The following BRINP3 variants were observed in gnomAD, a reference collection of about 807,000 sequenced individuals.
BRINP3 encodes BMP/retinoic acid inducible neural specific 3.
In BRINP3, 19 loss-of-function variants were observed where a neutral mutation model predicts 71.0. The ratio of observed to expected loss-of-function variants is 0.27; its 90% CI spans 0.19 to 0.39. The LOEUF is 0.39. BRINP3 is among the 10% of genes least tolerant of loss of function. The pLI is 1.00. For synonymous variants in BRINP3, 380 were observed against 337.7 expected (o/e 1.13, Z -1.37); for missense variants, 959 against 940.8 (o/e 1.02, Z -0.25).
chr1:190,130,795 AT>A (rs1159890661), intron 7 of BRINP3, among the ~76,000 whole-genome samples: 3 of 151,938 alleles, frequency 2.0e-5, no homozygotes, highest in Non-Finnish European at 4.4e-5. Flanking sequence ...TTGGGCCCTT[AT>A]AAAACAGGCG....
intron 2 of BRINP3, among the ~76,000 whole-genome samples, chr1:190,371,041 TATTGA>T (rs1202880660): frequency 1.3e-5 from 2 of 152,184 alleles, no homozygotes; most frequent in Non-Finnish European, 2.9e-5. Flanking sequence ...GTTCAATTGC[TATTGA>T]ATTGAATTCC....
chr1:190,263,674 C>A (rs1332515313), intron 4 of BRINP3, among the ~76,000 whole-genome samples: 3 of 145,306 alleles, frequency 2.1e-5, no homozygotes, highest in Non-Finnish European at 4.5e-5. Context: ...ACTGCAAGTT[C>A]TGCCTCCCAG....
intron 2 of BRINP3, among the ~76,000 whole-genome samples, chr1:190,335,430 T>TA (rs369142436): frequency 6.6e-6 from 1 of 151,866 alleles, no homozygotes. Flanking sequence ...AATACTATAC[T>TA]AAAAAATGAT....
chr1:190,137,477 T>C (rs10753937), intron 7 of BRINP3, among the ~76,000 whole-genome samples: 58,111 of 150,526 alleles, frequency 0.39, 11,912 homozygotes, highest in Non-Finnish European at 0.47. Context: ...CTTCGCATTA[T>C]AGACAAGAGG....
intron 1 of BRINP3, among the ~76,000 whole-genome samples, chr1:190,456,475 G>A (rs1162528092): frequency 3.3e-5 from 5 of 152,150 alleles, no homozygotes; most frequent in African/African-American, 1.2e-4. Context: ...TGGAATAGGA[G>A]CTTGGAGATT....
At chr1:190,385,410 A>C (rs1452547013) in intron 2 of BRINP3, among the ~76,000 whole-genome samples, 2 of 152,066 alleles carry the variant, frequency 1.3e-5, no homozygotes, top group Non-Finnish European at 2.9e-5. Context: ...CCCATCAAAA[A>C]GTGGGCAAAG....
intron 2 of BRINP3, among the ~76,000 whole-genome samples, chr1:190,371,144 C>T (rs1200835862): frequency 6.6e-6 from 1 of 152,138 alleles, no homozygotes; most frequent in Non-Finnish European, 1.5e-5. Flanking sequence ...CACTCTGTTT[C>T]TTCTTTCCTT....
At chr1:190,121,314 T>C (rs1217168775) in intron 7 of BRINP3, among the ~76,000 whole-genome samples, 1 of 151,908 alleles carries the variant, frequency 6.6e-6, no homozygotes, top group Non-Finnish European at 1.5e-5. Context: ...ATATTAGATA[T>C]TAAAACAAAA....
intron 2 of BRINP3, among the ~76,000 whole-genome samples, chr1:190,426,954 T>A (rs1233445476): frequency 6.6e-6 from 1 of 151,870 alleles, no homozygotes; most frequent in African/African-American, 2.4e-5. Context: ...TAGCCAGTTC[T>A]GCCTGTAACA....
intron 2 of BRINP3, 124 bp downstream of exon 2, chr1:190,454,531 C>G: frequency 1.5e-6 from 1 of 678,974 alleles, no homozygotes; most frequent in Admixed American, 2.8e-5. Flanking sequence ...TACTATGGTG[C>G]ATGGTAAATA....
At chr1:190,112,060 G>T (rs927587537) in intron 7 of BRINP3, among the ~76,000 whole-genome samples, 3 of 152,130 alleles carry the variant, frequency 2.0e-5, no homozygotes, top group African/African-American at 7.2e-5. Context: ...TCTGAAAGAG[G>T]AAGTTGAGCC....
intron 2 of BRINP3, among the ~76,000 whole-genome samples, chr1:190,348,956 T>G (rs1403876134): frequency 6.6e-6 from 1 of 152,174 alleles, no homozygotes; most frequent in Non-Finnish European, 1.5e-5. Flanking sequence ...TATTTTTGTT[T>G]ACTCTTATAA....
At chr1:190,431,868 G>A (rs1674121712) in intron 2 of BRINP3, among the ~76,000 whole-genome samples, 2 of 152,044 alleles carry the variant, frequency 1.3e-5, no homozygotes, top group Admixed American at 1.3e-4. Flanking sequence ...GCAATATGAT[G>A]CATTTTATTT....
intron 2 of BRINP3, among the ~76,000 whole-genome samples, chr1:190,453,201 GTATTTTTTTTTTTTTTTTTT>G (rs1342725009): frequency 2.4e-4 from 9 of 37,854 alleles, no homozygotes; most frequent in Non-Finnish European, 5.5e-4. Context: ...AAAAACTTTA[GTATTTTTTTTTTTTTTTTTT>G]TTTTTTTTTT....
rs566978684 is a variant in BRINP3, at chr1:190,286,854, A to T, written c.237-5104T>A. On this transcript the variant is annotated intron_variant, in intron 2 of 7. Coordinates refer to ENST00000367462, the MANE Select transcript of BRINP3 (RefSeq NM_199051.3). ...TGTAAAATCATATGGATCTTAAGAA[A>T]TGGCACTAATGTCAATATTGGCTCC... 2.6e-5 allele frequency among the ~76,000 whole-genome samples: 4 copies of T among 152,266 alleles called. No individual in the cohort carries two copies. In the South Asian group the frequency reaches 8.3e-4, roughly 32 times the overall value.
intron 2 of BRINP3, among the ~76,000 whole-genome samples, chr1:190,322,575 T>C (rs1038339497): frequency 2.0e-5 from 3 of 151,994 alleles, no homozygotes; most frequent in African/African-American, 7.2e-5. Flanking sequence ...AGGGTAGTGA[T>C]GAAGACATTG....
At chr1:190,265,857 G>A (rs1002840346) in intron 3 of BRINP3, among the ~76,000 whole-genome samples, 6 of 152,170 alleles carry the variant, frequency 3.9e-5, no homozygotes, top group Non-Finnish European at 8.8e-5. Flanking sequence ...GCATGTGTAT[G>A]CATATACAGG....
At chr1:190,151,331 T>A (rs1656375865) in intron 7 of BRINP3, among the ~76,000 whole-genome samples, 1 of 152,134 alleles carries the variant, frequency 6.6e-6, no homozygotes, top group Non-Finnish European at 1.5e-5. Context: ...TTCTAAAGAT[T>A]TCACGGTCAA....
At chr1:190,112,123 T>C (rs937642615) in intron 7 of BRINP3, among the ~76,000 whole-genome samples, 1 of 152,068 alleles carries the variant, frequency 6.6e-6, no homozygotes, top group Non-Finnish European at 1.5e-5. Context: ...TAAAAACATA[T>C]AACTTAGTAC....
Sources: gnomAD v4.1 joint callset for allele counts (sites outside exome capture counted in the v4.1 genomes callset) on GRCh38, gnomAD v4.1.1 for gene constraint, MANE v1.5 for transcripts, NCBI Gene and HGNC (gene_info 2026-07-23, HGNC 2026-07-21) for gene names.